The following PCDHGA2 variants were observed in gnomAD, a reference collection of about 807,000 sequenced individuals.
The protein encoded by PCDHGA2 is protocadherin gamma-A2.
In PCDHGA2, 40 loss-of-function variants were observed where a neutral mutation model predicts 59.2. The ratio of observed to expected loss-of-function variants is 0.68; its 90% CI spans 0.52 to 0.88. PCDHGA2 has a LOEUF of 0.88. Among genes scored for constraint, PCDHGA2 ranks in the 40% least tolerant of loss-of-function variants. The probability of loss-of-function intolerance (pLI) is 0.00; values close to 1 mark genes in which losing one functional copy is unlikely to be tolerated. For synonymous variants in PCDHGA2, 560 were observed against 526.0 expected (o/e 1.06, Z -0.89); for missense variants, 1,226 against 1,204.0 (o/e 1.02, Z -0.27).
intron 1 of PCDHGA2, among the ~76,000 whole-genome samples, chr5:141,464,749 T>A (rs1026757405): frequency 6.6e-6 from 1 of 152,216 alleles, no homozygotes; most frequent in African/African-American, 2.4e-5. Context: ...ATCTTTTTGT[T>A]TTTTTAGAGA....
intron 1 of PCDHGA2, chr5:141,351,765 C>A (rs751457983): frequency 1.9e-5 from 31 of 1,613,438 alleles, no homozygotes; most frequent in Non-Finnish European, 2.4e-5. Context: ...TCCTACGTGT[C>A]CGTGAGCCCG....
intron 1 of PCDHGA2, among the ~76,000 whole-genome samples, chr5:141,457,665 G>A (rs2098927092): frequency 6.6e-6 from 1 of 152,330 alleles, no homozygotes; most frequent in Non-Finnish European, 1.5e-5. Flanking sequence ...AGCAAGAATG[G>A]TTATTTCTAC....
chr5:141,352,306 G>A lies in PCDHGA2; in HGVS notation c.2424+10911G>A, dbSNP rs73265820. Reference sequence around the variant, plus strand: ...GCCCTGAGCCCTCTGACCCCCAGACGGAACTGCAGTTTTACCTGGTTGTGG... The same window carrying A: ...GCCCTGAGCCCTCTGACCCCCAGACAGAACTGCAGTTTTACCTGGTTGTGG... On this transcript the variant is annotated intron_variant, in intron 1 of 3. Transcript: ENST00000394576. 2,608 of 1,613,610 alleles carry A rather than the reference G, an allele frequency of 1.6e-3. 36 individuals are homozygous for A. The African/African-American group carries it at 0.031, about 19-fold the overall frequency.
chr5:141,346,794 A>G (rs751972138), intron 1 of PCDHGA2, among the ~76,000 whole-genome samples: 2 of 152,214 alleles, frequency 1.3e-5, no homozygotes, highest in Non-Finnish European at 2.9e-5. Context: ...CTATGATGAG[A>G]GAAACACAAC....
At chr5:141,388,728 A>G (rs377444638) in intron 1 of PCDHGA2, 11 of 1,613,902 alleles carry the variant, frequency 6.8e-6, no homozygotes, top group Admixed American at 1.7e-5. Flanking sequence ...TTTCTCTTTC[A>G]GTGAAGCTAG....
intron 1 of PCDHGA2, chr5:141,374,073 A>AT: frequency 6.6e-7 from 1 of 1,510,034 alleles, no homozygotes; most frequent in Non-Finnish European, 8.8e-7. Flanking sequence ...GAAGTTCCTA[A>AT]TAAGCCAGTA....
Position 141,431,474 on chromosome 5 carries a change from G to C in PCDHGA2, c.2425-63333G>C. On this transcript the variant is annotated intron_variant, in intron 1 of 3. Coordinates refer to ENST00000394576, the MANE Select transcript of PCDHGA2 (RefSeq NM_018915.4). The surrounding 1 kb of genome is among the most constrained non-coding windows in gnomAD (Gnocchi z 4.8). The stretch of plus-strand genomic sequence containing the variant: ...GATGGTTCTGGATGCGAACGACAAC[G>C]CACCAGCGTTTGCTCAGCCCGAGTA... 6.2e-7 allele frequency: 1 copy of C among 1,613,842 alleles called. No individual in the cohort carries two copies. The highest frequency in any genetic ancestry group is 8.5e-7 in the Non-Finnish European group (1 of 1,179,958).
intron 1 of PCDHGA2, chr5:141,376,036 G>A (rs755190782): frequency 5.0e-6 from 8 of 1,613,116 alleles, no homozygotes; most frequent in South Asian, 1.1e-5. Flanking sequence ...ACCACGGCCA[G>A]CCCCCTCTCT....
Position 141,395,542 on chromosome 5 carries a change from TTGTGTGTGTGTG to T in PCDHGA2, c.2424+54185_2424+54196del, listed in dbSNP as rs55729045. ...TCCATACTGGTAATTTTGCTATTGT[TTGTGTGTGTGTG>T]TGTGTGTGTGTGTGTGTGTGTGTGT... is the stretch of plus-strand genomic sequence containing the variant. On this transcript the variant is annotated intron_variant, in intron 1 of 3. Coordinates refer to ENST00000394576, the MANE Select transcript of PCDHGA2 (RefSeq NM_018915.4). 188 of 172,586 alleles carry T rather than the reference TTGTGTGTGTGTG, an allele frequency of 1.1e-3. 1 individual carries two copies. Among genetic ancestry groups the T allele is most frequent in the African/African-American group, 5.0e-3 (88 of 17,544 alleles). 10.7% of individuals were successfully genotyped at this position (172,586 alleles called of 1,614,324 possible).
intron 1 of PCDHGA2, among the ~76,000 whole-genome samples, chr5:141,482,689 C>T (rs145383957): frequency 7.1e-6 from 1 of 140,984 alleles, no homozygotes; most frequent in East Asian, 1.9e-4. Flanking sequence ...GCTTGTCAGA[C>T]AGTAAAGGGG....
At chr5:141,466,621 T>A (rs911794654) in intron 1 of PCDHGA2, among the ~76,000 whole-genome samples, 1 of 152,208 alleles carries the variant, frequency 6.6e-6, no homozygotes, top group Non-Finnish European at 1.5e-5. Context: ...GCCGTTTTCT[T>A]TGGAGCATTG....
chr5:141,399,950 G>A lies in PCDHGA2; in HGVS notation c.2424+58555G>A, dbSNP rs566695854. On this transcript the variant is annotated intron_variant, in intron 1 of 3. Coordinates refer to ENST00000394576, the MANE Select transcript of PCDHGA2 (RefSeq NM_018915.4). ...CTGTCCTACCACGTGCTGCAGGCTA[G>A]CGAGCCCGGGCTCTTCAGCCTGGGG... The A allele has an allele frequency of 4.3e-6, 7 of 1,612,178 alleles. No individual in the cohort carries two copies. The African/African-American group carries it at 6.7e-5, about 15-fold the overall frequency.
At chr5:141,373,229 A>C (rs941177727) in intron 1 of PCDHGA2, among the ~76,000 whole-genome samples, 5 of 152,240 alleles carry the variant, frequency 3.3e-5, no homozygotes, top group Non-Finnish European at 7.3e-5. Flanking sequence ...CCTGTATATA[A>C]TATTTTTACT....
At chr5:141,387,976 A>G (rs1406804687) in intron 1 of PCDHGA2, 2 of 1,490,180 alleles carry the variant, frequency 1.3e-6, no homozygotes, top group South Asian at 2.6e-5. Context: ...GCGCTCTGTG[A>G]GCAGATCCGC....
chr5:141,375,005 G>T, intron 1 of PCDHGA2: 2 of 1,614,010 alleles, frequency 1.2e-6, no homozygotes, highest in Non-Finnish European at 1.7e-6. Flanking sequence ...TGCAAATCTA[G>T]ACTATGAGGA....
At position 141,340,856 on chromosome 5, in the gene PCDHGA2, G is replaced by A; in HGVS notation, c.1885G>A (p.Ala629Thr). Residue 629 changes from alanine to threonine, a missense_variant, in exon 1 of 4, where the codon GCG (alanine) becomes ACG (threonine). Coordinates refer to ENST00000394576, the MANE Select transcript of PCDHGA2 (RefSeq NM_018915.4). ...VGLHTGEVRTARALLDRDALK... is the reference protein window; with the variant it reads ...VGLHTGEVRTTRALLDRDALK... ...TCTGCACACGGGCGAGGTGCGCACG[G>A]CGCGAGCCCTGCTGGACAGAGACGC... 6.2e-7 allele frequency: 1 copy of A among 1,613,640 alleles called. No homozygotes were observed. Among genetic ancestry groups the A allele is most frequent in the Non-Finnish European group, 8.5e-7 (1 of 1,179,920 alleles).
intron 1 of PCDHGA2, among the ~76,000 whole-genome samples, chr5:141,401,338 A>G (rs2094142012): frequency 6.6e-6 from 1 of 152,186 alleles, no homozygotes; most frequent in Non-Finnish European, 1.5e-5. Flanking sequence ...GCAAAACTCC[A>G]TCTCAAAAAA....
intron 1 of PCDHGA2, chr5:141,356,242 A>G: frequency 4.4e-6 from 7 of 1,582,740 alleles, no homozygotes; most frequent in Non-Finnish European, 5.2e-6. Flanking sequence ...ACCAGAAGTC[A>G]CAGTTACATC....
At chr5:141,402,946 G>A (rs1012771364) in intron 1 of PCDHGA2, 1 of 1,592,686 alleles carries the variant, frequency 6.3e-7, no homozygotes, top group African/African-American at 1.4e-5. Flanking sequence ...TCCAAAGCGA[G>A]GCAGCAATGG....
Sources: gnomAD v4.1 joint callset for allele counts (sites outside exome capture counted in the v4.1 genomes callset) on GRCh38, gnomAD v4.1.1 for gene constraint, Gnocchi (gnomAD v3.1) non-coding constraint, MANE v1.5 for transcripts, NCBI Gene and HGNC (gene_info 2026-07-23, HGNC 2026-07-21) for gene names.